GALNTL6: variants seen among roughly 807,000 people sequenced by gnomAD.
GALNTL6 encodes the protein polypeptide N-acetylgalactosaminyltransferase-like 6.
Under a neutral mutation model 73.7 loss-of-function variants are expected in GALNTL6, and 46 were observed. The ratio of observed to expected loss-of-function variants is 0.62; its 90% CI spans 0.49 to 0.80. The LOEUF is 0.80. Among genes scored for constraint, GALNTL6 ranks in the 30% least tolerant of loss-of-function variants. The pLI, the probability that GALNTL6 is intolerant of heterozygous loss-of-function variation, is 0.00. For synonymous variants in GALNTL6, 259 were observed against 263.7 expected, an observed-to-expected ratio of 0.98 and a Z score of 0.17; for missense variants, 604 against 755.0, an observed-to-expected ratio of 0.80 and a Z score of 2.34.
chr4:172,174,992 G>A (rs1734945249), intron 2 of GALNTL6, among the ~76,000 whole-genome samples: 1 of 152,102 alleles, frequency 6.6e-6, no homozygotes, highest in Non-Finnish European at 1.5e-5. Flanking sequence ...GCAGATATTT[G>A]CATATACTTA....
chr4:172,551,607 G>C (rs1735956478), intron 5 of GALNTL6, among the ~76,000 whole-genome samples: 1 of 152,116 alleles, frequency 6.6e-6, no homozygotes, highest in African/African-American at 2.4e-5. Flanking sequence ...CAGTATGTTA[G>C]TTTCCATCTT....
At chr4:172,074,400 A>C (rs563523125) in intron 2 of GALNTL6, among the ~76,000 whole-genome samples, 125 of 152,322 alleles carry the variant, frequency 8.2e-4, no homozygotes, top group Non-Finnish European at 1.6e-3. Flanking sequence ...AAACAAAAAA[A>C]CAAGACATTT....
At chr4:172,560,038 C>T (rs899369855) in intron 5 of GALNTL6, among the ~76,000 whole-genome samples, 1 of 152,144 alleles carries the variant, frequency 6.6e-6, no homozygotes, top group Non-Finnish European at 1.5e-5. Context: ...GTTCAACTTG[C>T]ATCCTGATAT....
At chr4:171,992,159 T>C (rs1297364889) in intron 2 of GALNTL6, among the ~76,000 whole-genome samples, 2 of 152,074 alleles carry the variant, frequency 1.3e-5, no homozygotes, top group African/African-American at 2.4e-5. Flanking sequence ...GCCAATTAGA[T>C]TGATGCTATT....
chr4:172,160,031 A>T (rs1309921039), intron 2 of GALNTL6, among the ~76,000 whole-genome samples: 1 of 152,122 alleles, frequency 6.6e-6, no homozygotes, highest in Admixed American at 6.6e-5. Context: ...ATGAGTAAAG[A>T]TACCACTGAG....
intron 10 of GALNTL6, among the ~76,000 whole-genome samples, chr4:172,987,597 T>G (rs1469970142): frequency 6.6e-6 from 1 of 152,232 alleles, no homozygotes; most frequent in Non-Finnish European, 1.5e-5. Flanking sequence ...GATTTGGATT[T>G]GTGTCCCCAC....
chr4:172,959,791 C>T (rs1197299106), intron 10 of GALNTL6, among the ~76,000 whole-genome samples: 2 of 152,136 alleles, frequency 1.3e-5, no homozygotes, highest in East Asian at 1.9e-4. Flanking sequence ...TCCTGGGCTG[C>T]GGGCATTCCT....
At chr4:171,895,506 T>TAAG (rs1005627048) in intron 2 of GALNTL6, among the ~76,000 whole-genome samples, 10 of 152,194 alleles carry the variant, frequency 6.6e-5, no homozygotes, top group African/African-American at 2.4e-4. Flanking sequence ...GCAGTTTAGC[T>TAAG]AAGGCAAAGG....
intron 5 of GALNTL6, among the ~76,000 whole-genome samples, chr4:172,531,855 C>T (rs1201993829): frequency 6.6e-6 from 1 of 152,184 alleles, no homozygotes; most frequent in Non-Finnish European, 1.5e-5. Flanking sequence ...CTGCTGAAAA[C>T]CCATCAAGGG....
intron 5 of GALNTL6, among the ~76,000 whole-genome samples, chr4:172,604,228 A>T (rs1278032393): frequency 6.6e-6 from 1 of 152,204 alleles, no homozygotes; most frequent in African/African-American, 2.4e-5. Context: ...AGACAGAGGG[A>T]AAAGAGCAGA....
At chr4:172,663,601 T>G (rs1731496565) in intron 5 of GALNTL6, among the ~76,000 whole-genome samples, 1 of 152,176 alleles carries the variant, frequency 6.6e-6, no homozygotes, top group South Asian at 2.1e-4. Flanking sequence ...CAGGTTTGGA[T>G]GTGATTTCAC....
chr4:172,456,657 T>C (rs1334256255), intron 5 of GALNTL6, among the ~76,000 whole-genome samples: 2 of 150,900 alleles, frequency 1.3e-5, no homozygotes, highest in African/African-American at 4.9e-5. Context: ...AGAGAAAAAA[T>C]AATGAAAACG....
At chr4:172,568,793 A>T (rs1298213243) in intron 5 of GALNTL6, among the ~76,000 whole-genome samples, 1 of 149,938 alleles carries the variant, frequency 6.7e-6, no homozygotes, top group African/African-American at 2.4e-5. Context: ...ACAAAGATGA[A>T]CATCTACGTC....
chr4:172,273,968 T>C (rs1738746632), intron 3 of GALNTL6, among the ~76,000 whole-genome samples: 1 of 152,210 alleles, frequency 6.6e-6, no homozygotes, highest in South Asian at 2.1e-4. Flanking sequence ...CTACTTCTTT[T>C]ATCCATAATT....
At chr4:172,554,604 T>G (rs564632894) in intron 5 of GALNTL6, among the ~76,000 whole-genome samples, 92 of 152,330 alleles carry the variant, frequency 6.0e-4, no homozygotes, top group African/African-American at 2.1e-3. Flanking sequence ...AAAGAGTTAC[T>G]TTTACTTCTA....
At chr4:172,188,705 G>A (rs1190943442) in intron 2 of GALNTL6, among the ~76,000 whole-genome samples, 1 of 152,174 alleles carries the variant, frequency 6.6e-6, no homozygotes, top group African/African-American at 2.4e-5. Flanking sequence ...TGAGGCAGTC[G>A]CCAAAGGGTA....
intron 7 of GALNTL6, among the ~76,000 whole-genome samples, chr4:172,882,414 T>C (rs1745503507): frequency 1.3e-5 from 2 of 152,210 alleles, no homozygotes; most frequent in South Asian, 4.1e-4. Flanking sequence ...TCTGATAGTA[T>C]AAGATCCCTT....
chr4:172,609,625 C>CTCTGTGTGTGTGTGTGTG (rs753051714), intron 5 of GALNTL6, among the ~76,000 whole-genome samples: 2 of 92,778 alleles, frequency 2.2e-5, no homozygotes, highest in African/African-American at 9.1e-5. Flanking sequence ...CTCTCTCTCT[C>CTCTGTGTGTGTGTGTGTG]TGTGTGTGTG....
At chr4:172,480,940 G>C (rs950485510) in intron 5 of GALNTL6, among the ~76,000 whole-genome samples, 2 of 152,154 alleles carry the variant, frequency 1.3e-5, no homozygotes, top group African/African-American at 4.8e-5. Context: ...CTGGACTCTC[G>C]GAAGTGGCAA....
Sources: gnomAD v4.1 joint callset for allele counts (sites outside exome capture counted in the v4.1 genomes callset) on GRCh38, gnomAD v4.1.1 for gene constraint, MANE v1.5 for transcripts, NCBI Gene and HGNC (gene_info 2026-07-23, HGNC 2026-07-21) for gene names.